The following ANO3 variants were observed in gnomAD, a reference collection of about 807,000 sequenced individuals.
ANO3 encodes anoctamin-3.
Under a neutral mutation model 144.8 loss-of-function variants are expected in ANO3, and 99 were observed. The observed-to-expected ratio is 0.68, with a 90% CI of 0.58 to 0.81. The LOEUF (loss-of-function observed/expected upper bound fraction) is 0.81. Ranked by LOEUF, ANO3 falls within the 30% of genes least tolerant of loss-of-function variation. The probability of loss-of-function intolerance (pLI) is 0.00; values close to 1 mark genes in which losing one functional copy is unlikely to be tolerated. For missense variants in ANO3, 905 were observed against 1,202.2 expected (o/e 0.75, Z 3.66); for synonymous variants, 414 against 392.6 (o/e 1.05, Z -0.64).
At chr11:26,467,020 G>GT (rs549332752) in intron 4 of ANO3, among the ~76,000 whole-genome samples, 207 of 151,502 alleles carry the variant, frequency 1.4e-3, no homozygotes, top group African/African-American at 4.8e-3. Flanking sequence ...TTCTAAAATT[G>GT]TTTTTTTTAA....
chr11:26,596,322 C>T (rs1851627668), intron 14 of ANO3, among the ~76,000 whole-genome samples: 1 of 152,148 alleles, frequency 6.6e-6, no homozygotes, highest in African/African-American at 2.4e-5. Flanking sequence ...AGTGGAAGGA[C>T]ATTCGCTTGT....
At chr11:26,453,108 C>A (rs1299245268) in intron 3 of ANO3, among the ~76,000 whole-genome samples, 1 of 152,108 alleles carries the variant, frequency 6.6e-6, no homozygotes, top group African/African-American at 2.4e-5. Context: ...ACAACCGGTA[C>A]CAGCCGCTGC....
chr11:26,452,486 G>C (rs948394304), intron 3 of ANO3, among the ~76,000 whole-genome samples: 1 of 152,214 alleles, frequency 6.6e-6, no homozygotes, highest in African/African-American at 2.4e-5. Flanking sequence ...ATCAGTGATA[G>C]AAGATGAAAC....
chr11:26,246,194 T>C (rs1380279214), intron 1 of ANO3, among the ~76,000 whole-genome samples: 5 of 152,096 alleles, frequency 3.3e-5, no homozygotes, highest in Admixed American at 6.5e-5. Flanking sequence ...AACAGTAACA[T>C]ATTTATTCTT....
intron 17 of ANO3, among the ~76,000 whole-genome samples, chr11:26,615,420 T>A (rs368512342): frequency 0.14 from 17,727 of 130,044 alleles, 1,333 homozygotes; most frequent in Non-Finnish European, 0.18. Context: ...ATATATTTTT[T>A]TTTTTTCAGT....
rs182695126 is a variant in ANO3, at chr11:26,587,068, G to T, written c.1448-11297G>T. On this transcript the variant is annotated intron_variant, in intron 14 of 26. Transcript: ENST00000256737. Reference sequence around the variant, plus strand: ...CCTCTTTTCCTCTGCTATCAAGGATGAGATTAAATTCATGTAATCCTTCTG... The same window carrying T: ...CCTCTTTTCCTCTGCTATCAAGGATTAGATTAAATTCATGTAATCCTTCTG... 3.9e-5 allele frequency among the ~76,000 whole-genome samples: 6 copies of T among 152,252 alleles called. No individual in the cohort carries two copies. The East Asian group carries it at 1.2e-3, about 29-fold the overall frequency.
At chr11:26,377,631 A>C (rs2133945927) in intron 1 of ANO3, among the ~76,000 whole-genome samples, 1 of 152,292 alleles carries the variant, frequency 6.6e-6, no homozygotes, top group African/African-American at 2.4e-5. Flanking sequence ...CAATGGTGGA[A>C]GCTTACTGAA....
intron 3 of ANO3, among the ~76,000 whole-genome samples, chr11:26,452,560 C>A (rs1229745211): frequency 6.6e-6 from 1 of 152,148 alleles, no homozygotes; most frequent in Admixed American, 6.5e-5. Context: ...AACAAAGCCT[C>A]CAAGAAATAT....
intron 8 of ANO3, 135 bp downstream of exon 8, chr11:26,531,471 CTT>C (rs2134184777): frequency 9.7e-7 from 1 of 1,029,090 alleles, no homozygotes; most frequent in East Asian, 2.6e-5. Context: ...AAAATACACA[CTT>C]AACTTATAAA....
chr11:26,508,505 G>A lies in ANO3; in HGVS notation c.591+243G>A, dbSNP rs117806277. 10,614 of 403,226 alleles carry A rather than the reference G, an allele frequency of 0.026. 178 individuals carry two copies. Among genetic ancestry groups the A allele is most frequent in the Non-Finnish European group, 0.035 (8,113 of 230,652 alleles). 25.0% of individuals were successfully genotyped at this position (403,226 alleles called of 1,614,324 possible). ...GACTATTTTTGCAATTTTAAAAACT[G>A]AATAAGGAATGATTATAGTTATGTC... On this transcript the variant is annotated intron_variant, in intron 5 of 26. Transcript: ENST00000256737.
intron 1 of ANO3, among the ~76,000 whole-genome samples, chr11:26,236,548 G>A (rs71480117): frequency 0.29 from 44,279 of 152,006 alleles, 6,817 homozygotes; most frequent in Non-Finnish European, 0.33. Flanking sequence ...GCCGGGGGCC[G>A]CGGCTCATGC....
chr11:26,301,804 C>T (rs2133863277), intron 1 of ANO3, among the ~76,000 whole-genome samples: 1 of 152,288 alleles, frequency 6.6e-6, no homozygotes, highest in East Asian at 1.9e-4. Flanking sequence ...CCTTATAGAA[C>T]AGACTGTTTT....
chr11:26,233,870 C>T (rs11029408), intron 1 of ANO3, among the ~76,000 whole-genome samples: 2,304 of 152,202 alleles, frequency 0.015, 48 homozygotes, highest in East Asian at 0.12. Context: ...CATGTTCTCA[C>T]TCATAAGTGG....
At chr11:26,480,779 G>A (rs918566537) in intron 4 of ANO3, among the ~76,000 whole-genome samples, 5 of 152,044 alleles carry the variant, frequency 3.3e-5, no homozygotes, top group Admixed American at 1.3e-4. Flanking sequence ...CTGCACTCCA[G>A]CCTGGGCAAC....
intron 14 of ANO3, among the ~76,000 whole-genome samples, chr11:26,564,430 A>AT (rs1554970649): frequency 1.6e-5 from 1 of 62,970 alleles, no homozygotes; most frequent in African/African-American, 5.7e-5. Context: ...AAAACAAATT[A>AT]TTAAAAAAAT....
intron 4 of ANO3, among the ~76,000 whole-genome samples, chr11:26,473,720 C>T (rs1289597920): frequency 2.6e-5 from 4 of 151,780 alleles, no homozygotes; most frequent in African/African-American, 9.7e-5. Context: ...TAATAATTGA[C>T]AGTAAAATCA....
At chr11:26,388,643 G>A (rs1328637414) in intron 1 of ANO3, among the ~76,000 whole-genome samples, 1 of 152,108 alleles carries the variant, frequency 6.6e-6, no homozygotes, top group Non-Finnish European at 1.5e-5. Context: ...GGAAACCGAG[G>A]CAGAGAGAAG....
At chr11:26,381,331 T>C (rs1856584510) in intron 1 of ANO3, among the ~76,000 whole-genome samples, 1 of 152,192 alleles carries the variant, frequency 6.6e-6, no homozygotes, top group Non-Finnish European at 1.5e-5. Context: ...GTTTGTTTAG[T>C]TTTGTTTTAC....
intron 1 of ANO3, among the ~76,000 whole-genome samples, chr11:26,297,078 C>T (rs986387836): frequency 2.0e-5 from 3 of 151,886 alleles, no homozygotes; most frequent in East Asian, 3.9e-4. Flanking sequence ...ATATAATATA[C>T]TTTAGGATTC....
Sources: allele counts gnomAD v4.1 joint callset (sites outside exome capture counted in the v4.1 genomes callset), GRCh38; gene constraint gnomAD v4.1.1; transcripts MANE v1.5; gene names NCBI Gene and HGNC (gene_info 2026-07-23, HGNC 2026-07-21).